The following TRPC4 variants were observed in gnomAD, a reference collection of about 807,000 sequenced individuals.
TRPC4 encodes the protein transient receptor potential cation channel subfamily C member 4, also known as short transient receptor potential channel 4.
In TRPC4, 49 loss-of-function variants were observed where a neutral mutation model predicts 99.4. That is an observed-to-expected ratio of 0.49 (90% CI 0.39 to 0.63). The LOEUF (loss-of-function observed/expected upper bound fraction) is 0.63, where lower values mean the gene tolerates loss of function less well. Ranked by LOEUF, TRPC4 falls within the 20% of genes least tolerant of loss-of-function variation. The pLI is 0.00. For synonymous variants in TRPC4, 454 were observed against 425.9 expected, an observed-to-expected ratio of 1.07 and a Z score of -0.81; for missense variants, 898 against 1,152.9, an observed-to-expected ratio of 0.78 and a Z score of 3.20.
chr13:37,792,944 G>C (rs1369814982), intron 1 of TRPC4, among the ~76,000 whole-genome samples: 1 of 152,200 alleles, frequency 6.6e-6, no homozygotes, highest in East Asian at 1.9e-4. Context: ...TGTTGTTGCA[G>C]TGGTGGTGGT....
At chr13:37,689,898 C>T (rs973469043) in intron 4 of TRPC4, among the ~76,000 whole-genome samples, 2 of 152,138 alleles carry the variant, frequency 1.3e-5, no homozygotes, top group Non-Finnish European at 2.9e-5. Flanking sequence ...CTCTTTGTTG[C>T]CTTACTTTTG....
At chr13:37,686,295 CGT>C (rs1247142542) in intron 4 of TRPC4, among the ~76,000 whole-genome samples, 1 of 151,752 alleles carries the variant, frequency 6.6e-6, no homozygotes, top group Non-Finnish European at 1.5e-5. Flanking sequence ...TATATACACA[CGT>C]GTGTATATGT....
rs149880602 is a variant in TRPC4 at position 37,643,485 on chromosome 13, T to C, written c.2080-4186A>G. 6.9e-3 allele frequency among the ~76,000 whole-genome samples: 1,054 copies of C among 152,212 alleles called. 13 individuals carry two copies. The highest frequency in any genetic ancestry group is 0.024 in the African/African-American group (1,016 of 41,530). On this transcript the variant is annotated intron_variant, in intron 8 of 10. Transcript: ENST00000379705. ...GAAAGAAGCCGTAACAGCCCTCTTATAGAGAATGCAGTATTAGATGGGTCA... is the reference window on the plus strand; with the variant it reads ...GAAAGAAGCCGTAACAGCCCTCTTACAGAGAATGCAGTATTAGATGGGTCA...
Position 37,841,357 on chromosome 13 carries a change from G to A in TRPC4, c.-28+28238C>T, listed in dbSNP as rs143184339. On this transcript the variant is annotated intron_variant, in intron 1 of 10. Coordinates refer to ENST00000379705, the MANE Select transcript of TRPC4 (RefSeq NM_016179.4). ...AATTTGGGTAAATCCTTGTTTTCTC[G>A]GTTCCTTACCTTTTCCTTTTTAAAA... Among the ~76,000 whole-genome samples, 319 of 151,726 alleles carry A rather than the reference G, an allele frequency of 2.1e-3. 1 individual carries two copies. The highest frequency in any genetic ancestry group is 5.3e-3 in the African/African-American group (218 of 41,404).
Position 37,635,999 on chromosome 13 carries a change from T to C in TRPC4, c.*904A>G, listed in dbSNP as rs1732356635. Among the ~76,000 whole-genome samples the C allele has an allele frequency of 1.3e-5, 2 of 152,092 alleles. No individual in the cohort carries two copies. Among genetic ancestry groups the C allele is most frequent in the African/African-American group, 2.4e-5 (1 of 41,436 alleles). Reference sequence around the variant, plus strand: ...ATACTGGAATTCAACTTTACTTAGATTTAGATTGTTAGAATAAATTCATTT... The same window carrying C: ...ATACTGGAATTCAACTTTACTTAGACTTAGATTGTTAGAATAAATTCATTT... On this transcript the variant is annotated 3_prime_UTR_variant, in exon 11 of 11. Coordinates refer to ENST00000379705, the MANE Select transcript of TRPC4 (RefSeq NM_016179.4).
chr13:37,812,179 A>AAAAAAAAAAAAAAAAAAAAAAAAAAC (rs1957711314), intron 1 of TRPC4, among the ~76,000 whole-genome samples: 1 of 146,548 alleles, frequency 6.8e-6, no homozygotes, highest in Non-Finnish European at 1.5e-5. Context: ...ACTCTATCAA[A>AAAAAAAAAAAAAAAAAAAAAAAAAAC]AAAAAAAAAA....
chr13:37,812,678 G>T (rs1299038183), intron 1 of TRPC4, among the ~76,000 whole-genome samples: 1 of 151,790 alleles, frequency 6.6e-6, no homozygotes, highest in Non-Finnish European at 1.5e-5. Flanking sequence ...CCTCTTGAGA[G>T]AGAGAAGGTT....
At chr13:37,826,723 A>G (rs1958228543) in intron 1 of TRPC4, among the ~76,000 whole-genome samples, 1 of 152,050 alleles carries the variant, frequency 6.6e-6, no homozygotes, top group Non-Finnish European at 1.5e-5. Flanking sequence ...CCTTCATTCA[A>G]CTTTACTGAA....
intron 7 of TRPC4, 113 bp from the exon 8 acceptor site, chr13:37,651,572 T>C (rs1952044891): frequency 3.1e-6 from 3 of 957,376 alleles, no homozygotes; most frequent in African/African-American, 1.6e-5. Context: ...ATTAATTAAA[T>C]TGCTTCTAAA....
At chr13:37,667,322 T>C (rs994524132) in intron 5 of TRPC4, among the ~76,000 whole-genome samples, 1 of 152,208 alleles carries the variant, frequency 6.6e-6, no homozygotes, top group African/African-American at 2.4e-5. Flanking sequence ...AATCTTGTTT[T>C]TTGAGACGTA....
chr13:37,796,057 T>G (rs1957235676), intron 1 of TRPC4, among the ~76,000 whole-genome samples: 1 of 152,154 alleles, frequency 6.6e-6, no homozygotes, highest in Admixed American at 6.6e-5. Context: ...CCACATTTCC[T>G]GACGATTTTT....
intron 2 of TRPC4, among the ~76,000 whole-genome samples, chr13:37,781,785 G>C (rs1006998481): frequency 1.3e-5 from 2 of 151,922 alleles, no homozygotes; most frequent in Admixed American, 1.3e-4. Flanking sequence ...GGTTGAATGG[G>C]GATGAAACAT....
chr13:37,777,744 C>A (rs764115891), intron 2 of TRPC4, among the ~76,000 whole-genome samples: 1 of 151,878 alleles, frequency 6.6e-6, no homozygotes, highest in Non-Finnish European at 1.5e-5. Flanking sequence ...TACATGATAC[C>A]TTATAAAAAC....
At chr13:37,700,251 G>A (rs867000209) in intron 3 of TRPC4, among the ~76,000 whole-genome samples, 2 of 152,158 alleles carry the variant, frequency 1.3e-5, no homozygotes, top group Non-Finnish European at 2.9e-5. Context: ...ATACAGTATT[G>A]AAGAAAGCAC....
At chr13:37,666,429 T>C (rs1405172644) in intron 5 of TRPC4, among the ~76,000 whole-genome samples, 1 of 152,186 alleles carries the variant, frequency 6.6e-6, no homozygotes, top group African/African-American at 2.4e-5. Flanking sequence ...TCATTTCCTG[T>C]CACGGATTAA....
At position 37,812,185 on chromosome 13, in the gene TRPC4, A is replaced by AAAC. The variant is rs1555276083; in HGVS notation, c.-27-28826_-27-28825insGTT. Among the ~76,000 whole-genome samples the AAAC allele has an allele frequency of 4.8e-5, 7 of 146,962 alleles. 1 individual carries two copies. The highest frequency in any genetic ancestry group is 1.0e-4 in the African/African-American group (4 of 39,226). ...CAGACTGAGACTCTATCAAAAAAAA[A>AAAC]AAAAAAAAAACCAGGAGATCTAATT... is the stretch of plus-strand genomic sequence containing the variant. On this transcript the variant is annotated intron_variant, in intron 1 of 10. Coordinates refer to ENST00000379705, the MANE Select transcript of TRPC4 (RefSeq NM_016179.4).
At chr13:37,766,313 A>G (rs539940036) in intron 2 of TRPC4, among the ~76,000 whole-genome samples, 6 of 151,576 alleles carry the variant, frequency 4.0e-5, no homozygotes, top group African/African-American at 1.4e-4. Context: ...CACGCAGAAT[A>G]TGGAGCATGT....
intron 4 of TRPC4, among the ~76,000 whole-genome samples, chr13:37,679,811 A>C (rs1190421772): frequency 1.3e-5 from 2 of 152,212 alleles, no homozygotes; most frequent in Non-Finnish European, 2.9e-5. Flanking sequence ...ATATTGGAGA[A>C]AGGAGTATAT....
chr13:37,705,510 C>A (rs952125082), intron 3 of TRPC4, among the ~76,000 whole-genome samples: 2 of 152,038 alleles, frequency 1.3e-5, no homozygotes, highest in African/African-American at 4.8e-5. Flanking sequence ...TTAGCCATTG[C>A]ATAATGTATG....
Sources: gnomAD v4.1 joint callset for allele counts (sites outside exome capture counted in the v4.1 genomes callset) on GRCh38, gnomAD v4.1.1 for gene constraint, MANE v1.5 for transcripts, NCBI Gene and HGNC (gene_info 2026-07-23, HGNC 2026-07-21) for gene names.